The following FUT9 variants were observed in gnomAD, a reference collection of about 807,000 sequenced individuals.
FUT9 encodes the protein 4-galactosyl-N-acetylglucosaminide 3-alpha-L-fucosyltransferase 9.
A neutral mutation model predicts 29.7 loss-of-function variants in FUT9; 15 were observed. The ratio of observed to expected loss-of-function variants is 0.51; its 90% CI spans 0.34 to 0.78. The LOEUF is 0.78. Among genes scored for constraint, FUT9 ranks in the 30% least tolerant of loss-of-function variants. FUT9 has a pLI of 0.01. For synonymous variants in FUT9, 169 were observed against 153.7 expected (o/e 1.10, Z -0.74); for missense variants, 319 against 425.4 (o/e 0.75, Z 2.20).
Position 96,031,164 on chromosome 6 carries a change from A to G in FUT9, c.-98+14952A>G, listed in dbSNP as rs147029650. Among the ~76,000 whole-genome samples the G allele has an allele frequency of 2.2e-3, 327 of 151,700 alleles. 2 individuals are homozygous for G. Among genetic ancestry groups the G allele is most frequent in the Middle Eastern group, 6.8e-3 (2 of 294 alleles). On this transcript the variant is annotated intron_variant, in intron 1 of 2. Transcript: ENST00000302103. ...CATTAGGTAGGTCTACATGTTAGGC[A>G]CTTTCTAACAGTGCCTAGAGATGGT...
chr6:96,074,675 A>G (rs1771114538), intron 1 of FUT9, among the ~76,000 whole-genome samples: 1 of 152,216 alleles, frequency 6.6e-6, no homozygotes, highest in South Asian at 2.1e-4. Flanking sequence ...AGTTTTTAGA[A>G]GAAAAATTAC....
intron 2 of FUT9, among the ~76,000 whole-genome samples, chr6:96,148,320 T>G (rs73498318): frequency 3.9e-5 from 6 of 152,264 alleles, no homozygotes; most frequent in African/African-American, 1.4e-4. Flanking sequence ...CCCTCCTATC[T>G]CCACAACTAT....
At chr6:96,070,153 ATAAG>A (rs1771033796) in intron 1 of FUT9, among the ~76,000 whole-genome samples, 1 of 152,196 alleles carries the variant, frequency 6.6e-6, no homozygotes, top group Non-Finnish European at 1.5e-5. Flanking sequence ...TGATGAGCTG[ATAAG>A]TGAGGGGACA....
chr6:96,122,023 C>T (rs986620572), intron 2 of FUT9, among the ~76,000 whole-genome samples: 7 of 151,898 alleles, frequency 4.6e-5, no homozygotes, highest in Admixed American at 1.3e-4. Flanking sequence ...AGATGAGATG[C>T]GCTGGGTAGC....
intron 2 of FUT9, among the ~76,000 whole-genome samples, chr6:96,147,069 C>T (rs1261498400): frequency 6.6e-6 from 1 of 152,110 alleles, no homozygotes; most frequent in Non-Finnish European, 1.5e-5. Context: ...TACCTTCTCA[C>T]ATACAGGATA....
At chr6:96,165,648 A>T (rs965907082) in intron 2 of FUT9, among the ~76,000 whole-genome samples, 1 of 151,860 alleles carries the variant, frequency 6.6e-6, no homozygotes, top group African/African-American at 2.4e-5. Context: ...TCGCTCTGTC[A>T]TCTGTCACCC....
chr6:96,165,698 C>T (rs539367843), intron 2 of FUT9, among the ~76,000 whole-genome samples: 2 of 152,142 alleles, frequency 1.3e-5, no homozygotes, highest in African/African-American at 2.4e-5. Flanking sequence ...TCACTGCAAC[C>T]TCCACCTCCC....
intron 1 of FUT9, among the ~76,000 whole-genome samples, chr6:96,037,687 T>A (rs74816141): frequency 1.8e-4 from 14 of 76,628 alleles, no homozygotes; most frequent in Middle Eastern, 6.0e-3. Context: ...GAAAAAAAAA[T>A]TTTTTTGAAT....
intron 1 of FUT9, among the ~76,000 whole-genome samples, chr6:96,016,924 T>A (rs1302879921): frequency 6.6e-6 from 1 of 152,178 alleles, no homozygotes; most frequent in African/African-American, 2.4e-5. Flanking sequence ...AAACTTTTTG[T>A]TATTGTTGTT....
intron 2 of FUT9, among the ~76,000 whole-genome samples, chr6:96,136,094 A>T (rs2078640976): frequency 6.6e-6 from 1 of 151,696 alleles, no homozygotes; most frequent in Non-Finnish European, 1.5e-5. Flanking sequence ...GACTTTTTCC[A>T]ATCCTTAATG....
At chr6:96,022,205 A>G (rs1399953538) in intron 1 of FUT9, among the ~76,000 whole-genome samples, 1 of 152,018 alleles carries the variant, frequency 6.6e-6, no homozygotes, top group Non-Finnish European at 1.5e-5. Flanking sequence ...CAACTGAGCT[A>G]TTTCACTAGT....
At position 96,204,284 on chromosome 6, in the gene FUT9, C is replaced by T; in HGVS notation, c.*49C>T. 2 of 1,294,674 alleles carry T rather than the reference C, an allele frequency of 1.5e-6. No individual in the cohort carries two copies. 80.2% of individuals were successfully genotyped at this position (1,294,674 alleles called of 1,614,324 possible). On this transcript the variant is annotated 3_prime_UTR_variant, in exon 3 of 3. Transcript: ENST00000302103. Reference sequence around the variant, plus strand: ...GATAAATATTTTGATGAGATATCATCCAAGTATTGAGGATAAGAAGAGATG... The same window carrying T: ...GATAAATATTTTGATGAGATATCATTCAAGTATTGAGGATAAGAAGAGATG...
chr6:96,113,594 G>A (rs1435393547), intron 1 of FUT9, among the ~76,000 whole-genome samples: 3 of 150,318 alleles, frequency 2.0e-5, no homozygotes, highest in African/African-American at 7.3e-5. Flanking sequence ...GGTGGCTCAC[G>A]CCTGTAATCC....
At chr6:96,139,804 C>T (rs1015292274) in intron 2 of FUT9, among the ~76,000 whole-genome samples, 1 of 152,122 alleles carries the variant, frequency 6.6e-6, no homozygotes, top group African/African-American at 2.4e-5. Context: ...AGCTGAGATG[C>T]AGGGGGCACC....
intron 1 of FUT9, among the ~76,000 whole-genome samples, chr6:96,044,434 C>T (rs1188726431): frequency 6.6e-6 from 1 of 152,292 alleles, no homozygotes; most frequent in Non-Finnish European, 1.5e-5. Context: ...TTGAAAAGCT[C>T]TGCCATGCCT....
intron 2 of FUT9, among the ~76,000 whole-genome samples, chr6:96,149,413 C>T (rs1293679107): frequency 6.6e-6 from 1 of 151,976 alleles, no homozygotes; most frequent in East Asian, 1.9e-4. Flanking sequence ...ACTTAAAATT[C>T]ATTCCTCCAT....
At chr6:96,082,122 T>C (rs951453272) in intron 1 of FUT9, among the ~76,000 whole-genome samples, 10 of 151,810 alleles carry the variant, frequency 6.6e-5, no homozygotes, top group African/African-American at 2.2e-4. Context: ...GACTTTTTAC[T>C]CTTTTTATGG....
At chr6:96,162,431 C>A (rs534053681) in intron 2 of FUT9, among the ~76,000 whole-genome samples, 4 of 152,244 alleles carry the variant, frequency 2.6e-5, no homozygotes, top group Non-Finnish European at 5.9e-5. Flanking sequence ...GGAAAATATA[C>A]TAAATTATTG....
intron 2 of FUT9, among the ~76,000 whole-genome samples, chr6:96,189,090 G>A (rs1773457943): frequency 6.6e-6 from 1 of 152,078 alleles, no homozygotes; most frequent in Non-Finnish European, 1.5e-5. Context: ...TGTGTTGGGG[G>A]AAGGTTGGGA....
Sources: allele counts gnomAD v4.1 joint callset (sites outside exome capture counted in the v4.1 genomes callset), GRCh38; gene constraint gnomAD v4.1.1; transcripts MANE v1.5; gene names NCBI Gene and HGNC (gene_info 2026-07-23, HGNC 2026-07-21).